The following GLIS3 variants were observed in gnomAD, a reference collection of about 807,000 sequenced individuals.
The protein encoded by GLIS3 is zinc finger protein GLIS3.
In GLIS3, 53 loss-of-function variants were observed where a neutral mutation model predicts 78.6. That is an observed-to-expected ratio of 0.67 (90% CI 0.54 to 0.85). The LOEUF (loss-of-function observed/expected upper bound fraction) is 0.85. Ranked by LOEUF, GLIS3 falls within the 40% of genes least tolerant of loss-of-function variation. The pLI is 0.00. For missense variants in GLIS3, 1,703 were observed against 1,231.1 expected (o/e 1.38, Z -5.74); for synonymous variants, 684 against 509.9 (o/e 1.34, Z -4.60).
In GLIS3 at chr9:4,118,987, T is replaced by C. The variant is rs1312530191; in HGVS notation, c.597-106A>G. The C allele has an allele frequency of 1.7e-6, 2 of 1,177,332 alleles. No individual in the cohort carries two copies. The highest frequency in any genetic ancestry group is 5.1e-5 in the East Asian group (2 of 39,272). 72.9% of individuals were successfully genotyped at this position (1,177,332 alleles called of 1,614,324 possible). A position where few individuals can be genotyped will look rare whatever the true frequency, so the allele number is the denominator to read the frequency against. On this transcript the variant is annotated intron_variant, in intron 3 of 10. Transcript: ENST00000381971. This position sits in a 1 kb window ranked among gnomAD's most constrained non-coding sequence, Gnocchi z 4.7. ...ACTGCATTGACAATCCCTTAAGTAT[T>C]TCCCCTAATTACATTCTGTGCTAAA...
At chr9:4,165,924 G>C (rs111420303) in intron 2 of GLIS3, among the ~76,000 whole-genome samples, 1 of 152,212 alleles carries the variant, frequency 6.6e-6, no homozygotes, top group Admixed American at 6.5e-5. Flanking sequence ...GCAAACAAGG[G>C]AGAGAAAGTA....
chr9:4,436,180 G>C, the GLIS3 span, among the ~76,000 whole-genome samples: 1 of 152,148 alleles, frequency 6.6e-6, no homozygotes, highest in African/African-American at 2.4e-5. Flanking sequence ...ATATGAAGAT[G>C]ATCACAAAGC....
At chr9:4,013,572 G>A (rs1295520602) in intron 4 of GLIS3, among the ~76,000 whole-genome samples, 1 of 152,160 alleles carries the variant, frequency 6.6e-6, no homozygotes, top group Non-Finnish European at 1.5e-5. Flanking sequence ...CACAGAGCAG[G>A]ACTTCACTAA....
chr9:4,300,888 T>C (rs1229123760), upstream of GLIS3, among the ~76,000 whole-genome samples: 1 of 152,090 alleles, frequency 6.6e-6, no homozygotes, highest in African/African-American at 2.4e-5. Context: ...CTTTCTGCAG[T>C]TGACAGTATT....
chr9:4,064,150 A>T (rs1031490772), intron 4 of GLIS3, among the ~76,000 whole-genome samples: 1 of 152,202 alleles, frequency 6.6e-6, no homozygotes, highest in Non-Finnish European at 1.5e-5. Context: ...TAGGAAAATG[A>T]TAGACCGTAT....
the GLIS3 span, among the ~76,000 whole-genome samples, chr9:4,411,532 T>A: frequency 2.0e-5 from 3 of 152,226 alleles, no homozygotes; most frequent in East Asian, 5.8e-4. Context: ...GTATCCCAGT[T>A]TGGGAACCAC....
upstream of GLIS3, among the ~76,000 whole-genome samples, chr9:4,351,839 T>G (rs984070471): frequency 6.6e-6 from 1 of 151,876 alleles, no homozygotes; most frequent in African/African-American, 2.4e-5. Flanking sequence ...GAAGTCATTT[T>G]CAGAGAAAAT....
chr9:4,170,330 A>G (rs981704038), intron 2 of GLIS3, among the ~76,000 whole-genome samples: 10 of 152,236 alleles, frequency 6.6e-5, no homozygotes, highest in Admixed American at 2.6e-4. Context: ...TCTTGCCAGA[A>G]TGGCCAACCA....
chr9:3,966,229 T>C (rs1460522029), intron 4 of GLIS3, among the ~76,000 whole-genome samples: 2 of 152,212 alleles, frequency 1.3e-5, no homozygotes, highest in African/African-American at 4.8e-5. Context: ...AATGACTGAA[T>C]GGGATTGATG....
At chr9:4,146,854 G>C (rs529470726) in intron 2 of GLIS3, among the ~76,000 whole-genome samples, 37 of 152,274 alleles carry the variant, frequency 2.4e-4, no homozygotes, top group African/African-American at 8.7e-4. Context: ...ATTTAAAACA[G>C]GCCAGAACCA....
intron 4 of GLIS3, among the ~76,000 whole-genome samples, chr9:4,066,611 T>C (rs1293435309): frequency 2.0e-5 from 3 of 152,358 alleles, no homozygotes; most frequent in Middle Eastern, 3.4e-3. Flanking sequence ...TCTGCATCAG[T>C]TGTCAAATTA....
intron 2 of GLIS3, among the ~76,000 whole-genome samples, chr9:4,139,817 C>T (rs1366527764): frequency 6.6e-6 from 1 of 152,168 alleles, no homozygotes; most frequent in Non-Finnish European, 1.5e-5. Flanking sequence ...GAATCTAATC[C>T]CACTGCTGAT....
At chr9:4,489,816 T>A in the GLIS3 span, among the ~76,000 whole-genome samples, 4 of 152,094 alleles carry the variant, frequency 2.6e-5, no homozygotes, top group East Asian at 1.9e-4. Flanking sequence ...GAAATCACCA[T>A]CTCCTTGTGC....
chr9:4,267,770 T>A (rs1311324684), intron 2 of GLIS3, among the ~76,000 whole-genome samples: 1 of 152,182 alleles, frequency 6.6e-6, no homozygotes, highest in Non-Finnish European at 1.5e-5. Context: ...GAGTACAGAT[T>A]CAAATGTTAG....
chr9:4,169,085 G>C (rs1816141072), intron 2 of GLIS3, among the ~76,000 whole-genome samples: 1 of 152,156 alleles, frequency 6.6e-6, no homozygotes, highest in Non-Finnish European at 1.5e-5. Flanking sequence ...TGATTGTCCT[G>C]TCTCTACATT....
chr9:3,927,704 T>C (rs622536), intron 6 of GLIS3, among the ~76,000 whole-genome samples: 127,071 of 152,140 alleles, frequency 0.84, 53,760 homozygotes, highest in Middle Eastern at 0.9. Context: ...CAACCTCTCC[T>C]AAATCCTGCA....
At chr9:4,171,467 A>G (rs901507759) in intron 2 of GLIS3, among the ~76,000 whole-genome samples, 3 of 152,224 alleles carry the variant, frequency 2.0e-5, no homozygotes, top group African/African-American at 4.8e-5. Context: ...GTCGAAAGAA[A>G]GAAAGGAACA....
At chr9:4,445,000 A>G in the GLIS3 span, among the ~76,000 whole-genome samples, 1 of 152,204 alleles carries the variant, frequency 6.6e-6, no homozygotes, top group African/African-American at 2.4e-5. Context: ...CCTTGGAGTT[A>G]CATCTCATAT....
rs180867004 is a variant in GLIS3 at position 4,051,538 on chromosome 9, C to T, written c.1710+66230G>A. Among the ~76,000 whole-genome samples the T allele has an allele frequency of 8.3e-4, 127 of 152,156 alleles. 1 individual carries two copies. Among genetic ancestry groups the T allele is most frequent in the Admixed American group, 7.1e-3 (109 of 15,278 alleles). On this transcript the variant is annotated intron_variant, in intron 4 of 10. Transcript: ENST00000381971. ...GGATCAGAGGAACTGAAAGAAAAAACAAAAAGCCCAAAGAGGCCTAACTAG... is the reference window on the plus strand; with the variant it reads ...GGATCAGAGGAACTGAAAGAAAAAATAAAAAGCCCAAAGAGGCCTAACTAG...
Sources: allele counts gnomAD v4.1 joint callset (sites outside exome capture counted in the v4.1 genomes callset), GRCh38; gene constraint gnomAD v4.1.1; non-coding constraint Gnocchi (gnomAD v3.1); transcripts MANE v1.5; gene names NCBI Gene and HGNC (gene_info 2026-07-23, HGNC 2026-07-21).